Variants in GPHN observed in about 807,000 individuals in gnomAD.
The protein encoded by GPHN is gephyrin.
A neutral mutation model predicts 95.5 loss-of-function variants in GPHN; 17 were observed. The ratio of observed to expected loss-of-function variants is 0.18; its 90% CI spans 0.12 to 0.27. The LOEUF (loss-of-function observed/expected upper bound fraction) is 0.27. Ranked by LOEUF, GPHN falls within the 10% of genes least tolerant of loss-of-function variation. The pLI is 1.00. For missense variants in GPHN, 660 were observed against 978.1 expected (o/e 0.67, Z 4.34); for synonymous variants, 320 against 322.5 (o/e 0.99, Z 0.08).
At chr14:67,324,562 G>T in the GPHN span, among the ~76,000 whole-genome samples, 2 of 151,162 alleles carry the variant, frequency 1.3e-5, no homozygotes, top group African/African-American at 2.4e-5. Flanking sequence ...TCTTTTGATT[G>T]TTTTTTTTGT....
At chr14:67,503,997 C>T in the GPHN span, among the ~76,000 whole-genome samples, 3 of 148,406 alleles carry the variant, frequency 2.0e-5, no homozygotes, top group African/African-American at 7.5e-5. Flanking sequence ...CCACTGTGCC[C>T]AGCCTATTTT....
chr14:66,884,396 A>G (rs1386764114), intron 5 of GPHN, among the ~76,000 whole-genome samples: 2 of 152,110 alleles, frequency 1.3e-5, no homozygotes, highest in African/African-American at 4.8e-5. Flanking sequence ...ATCTTGGCTG[A>G]CACCAAAGAA....
At chr14:67,538,055 G>T in the GPHN span, among the ~76,000 whole-genome samples, 1 of 152,194 alleles carries the variant, frequency 6.6e-6, no homozygotes, top group Non-Finnish European at 1.5e-5. Flanking sequence ...TGGGGACAGA[G>T]GGACTTATTG....
At chr14:66,863,604 C>G (rs937544191) in intron 4 of GPHN, among the ~76,000 whole-genome samples, 1 of 152,110 alleles carries the variant, frequency 6.6e-6, no homozygotes, top group African/African-American at 2.4e-5. Flanking sequence ...CAGCATGGTA[C>G]TGGCATAAAA....
intron 3 of GPHN, among the ~76,000 whole-genome samples, chr14:66,800,465 G>T (rs969716506): frequency 2.0e-5 from 3 of 152,036 alleles, no homozygotes; most frequent in African/African-American, 7.2e-5. Context: ...TAGGGTAAAA[G>T]ATTTCTTCTT....
In GPHN at chr14:66,683,349, T is replaced by TGTTC. The variant is rs1257168077; in HGVS notation, c.143+2164_143+2165insGTTC. ...GTGGAAATATATATATATATATATATATATATATATATATATATATATATA... is the reference window on the plus strand; with the variant it reads ...GTGGAAATATATATATATATATATATGTTCATATATATATATATATATATATATA... On this transcript the variant is annotated intron_variant, in intron 2 of 22. Coordinates refer to ENST00000478722, the MANE Select transcript of GPHN (RefSeq NM_020806.5). Among the ~76,000 whole-genome samples, 151 of 91,706 alleles carry TGTTC rather than the reference T, an allele frequency of 1.6e-3. 24 individuals are homozygous for TGTTC. The highest frequency in any genetic ancestry group is 0.01 in the Middle Eastern group (2 of 196). The allele number at this position is 91,706 out of a possible 152,430, so 60.2% of individuals were successfully genotyped here.
At chr14:66,650,719 T>A (rs184766955) in intron 1 of GPHN, among the ~76,000 whole-genome samples, 1 of 152,300 alleles carries the variant, frequency 6.6e-6, no homozygotes, top group Admixed American at 6.5e-5. Flanking sequence ...GTGCTTTTGT[T>A]GCCAACCAGC....
At chr14:67,321,390 T>A in the GPHN span, 6 of 814,676 alleles carry the variant, frequency 7.4e-6, no homozygotes, top group Non-Finnish European at 1.2e-5. Context: ...TCCCACTGAT[T>A]TGCTATCTGA....
intron 1 of GPHN, among the ~76,000 whole-genome samples, chr14:66,618,169 CT>C (rs1595260233): frequency 1.3e-5 from 2 of 151,924 alleles, no homozygotes; most frequent in Admixed American, 1.3e-4. Context: ...AGTGAATATC[CT>C]TGGTTAGTTG....
chr14:66,739,374 G>A (rs766608066), intron 2 of GPHN, among the ~76,000 whole-genome samples: 7 of 151,096 alleles, frequency 4.6e-5, no homozygotes, highest in Admixed American at 1.3e-4. Context: ...CCGCCACCAC[G>A]CCCGGCTAAT....
chr14:66,793,852 C>A (rs1021196376), intron 3 of GPHN, among the ~76,000 whole-genome samples: 2 of 151,666 alleles, frequency 1.3e-5, no homozygotes, highest in Admixed American at 1.3e-4. Flanking sequence ...TAAAAGAAAA[C>A]ATTAAAAGGG....
chr14:67,341,426 G>A, the GPHN span, among the ~76,000 whole-genome samples: 166 of 151,858 alleles, frequency 1.1e-3, no homozygotes, highest in African/African-American at 3.7e-3. Context: ...AGTGAGGAGC[G>A]TCTCCGCCCA....
At chr14:67,503,249 G>C in the GPHN span, among the ~76,000 whole-genome samples, 1 of 152,190 alleles carries the variant, frequency 6.6e-6, no homozygotes, top group Admixed American at 6.5e-5. Flanking sequence ...CAGCAGAGAT[G>C]GTCTCTGGCT....
chr14:67,493,069 C>T, the GPHN span, among the ~76,000 whole-genome samples: 1 of 152,338 alleles, frequency 6.6e-6, no homozygotes, highest in South Asian at 2.1e-4. Flanking sequence ...GTGCAAAGAA[C>T]TTTGGGAAAA....
intron 16 of GPHN, among the ~76,000 whole-genome samples, chr14:67,116,236 C>T (rs947932142): frequency 1.3e-5 from 2 of 148,456 alleles, no homozygotes; most frequent in African/African-American, 5.0e-5. Context: ...TTCCACTGTA[C>T]TACAGCCTGG....
the GPHN span, among the ~76,000 whole-genome samples, chr14:67,617,891 T>C: frequency 6.6e-6 from 1 of 152,176 alleles, no homozygotes; most frequent in African/African-American, 2.4e-5. Context: ...CAGCTTTTTG[T>C]ATTTTTAGGA....
chr14:67,252,150 TG>T, the GPHN span, among the ~76,000 whole-genome samples: 1 of 152,212 alleles, frequency 6.6e-6, no homozygotes, highest in Non-Finnish European at 1.5e-5. Context: ...AGTGCCTTTC[TG>T]AGTTCTGGGG....
At chr14:66,706,496 A>C (rs1420173779) in intron 2 of GPHN, among the ~76,000 whole-genome samples, 1 of 152,154 alleles carries the variant, frequency 6.6e-6, no homozygotes, top group Non-Finnish European at 1.5e-5. Context: ...CAGAGACCTC[A>C]GAAATAACAC....
chr14:67,063,620 G>A (rs1187962096), intron 11 of GPHN, among the ~76,000 whole-genome samples: 1 of 152,178 alleles, frequency 6.6e-6, no homozygotes, highest in African/African-American at 2.4e-5. Flanking sequence ...GCAGTAATTT[G>A]TAGTTCTCCT....
Sources: gnomAD v4.1 joint callset for allele counts (sites outside exome capture counted in the v4.1 genomes callset) on GRCh38, gnomAD v4.1.1 for gene constraint, MANE v1.5 for transcripts, NCBI Gene and HGNC (gene_info 2026-07-23, HGNC 2026-07-21) for gene names.